CSMD1: variants seen among roughly 807,000 people sequenced by gnomAD.
CSMD1 encodes the protein CUB and Sushi multiple domains 1, also known as CUB and sushi domain-containing protein 1.
In CSMD1, 213 loss-of-function variants were observed where a neutral mutation model predicts 417.5. That is an observed-to-expected ratio of 0.51 (90% confidence interval 0.46 to 0.57). The LOEUF is 0.57. CSMD1 is among the 20% of genes least tolerant of loss of function. The pLI, the probability that CSMD1 is intolerant of heterozygous loss-of-function variation, is 0.00. For synonymous variants in CSMD1, 2,862 were observed against 1,736.8 expected, an observed-to-expected ratio of 1.65 and a Z score of -16.11; for missense variants, 6,923 against 4,529.7, an observed-to-expected ratio of 1.53 and a Z score of -15.17.
chr8:3,486,951 G>A (rs1363471197), intron 11 of CSMD1, among the ~76,000 whole-genome samples: 3 of 152,180 alleles, frequency 2.0e-5, no homozygotes, highest in African/African-American at 7.2e-5. Context: ...AGGTTGGGCA[G>A]CCCTAGCCAT....
intron 52 of CSMD1, among the ~76,000 whole-genome samples, chr8:3,006,370 G>A (rs1807902866): frequency 6.7e-6 from 1 of 148,306 alleles, no homozygotes; most frequent in Admixed American, 6.7e-5. Flanking sequence ...CAGATTCAAT[G>A]CCATCCCCAT....
chr8:4,322,385 G>A (rs1179119725), intron 3 of CSMD1, among the ~76,000 whole-genome samples: 1 of 152,000 alleles, frequency 6.6e-6, no homozygotes, highest in Non-Finnish European at 1.5e-5. Context: ...TCCCCCAGTT[G>A]GCAAAAGCAT....
At chr8:3,334,143 A>C (rs1350043527) in intron 23 of CSMD1, among the ~76,000 whole-genome samples, 1 of 152,160 alleles carries the variant, frequency 6.6e-6, no homozygotes, top group African/African-American at 2.4e-5. Context: ...GTGGGAGAGG[A>C]TGCCAGAAGA....
At chr8:4,972,361 T>C (rs56255409) in intron 1 of CSMD1, among the ~76,000 whole-genome samples, 4,764 of 152,208 alleles carry the variant, frequency 0.031, 91 homozygotes, top group Middle Eastern at 0.13. Flanking sequence ...GTGCAGGTAA[T>C]TGAATCATGG....
chr8:3,720,620 T>TTCACACACACACACACACACACACAC (rs72331833), intron 6 of CSMD1, among the ~76,000 whole-genome samples: 9 of 143,322 alleles, frequency 6.3e-5, no homozygotes, highest in African/African-American at 2.1e-4. Context: ...TCTTTATTCT[T>TTCACACACACACACACACACACACAC]ACACACACAC....
At chr8:4,649,621 G>T (rs999046860) in intron 1 of CSMD1, among the ~76,000 whole-genome samples, 3 of 152,030 alleles carry the variant, frequency 2.0e-5, no homozygotes, top group Non-Finnish European at 2.9e-5. Context: ...AAAAGCAAAG[G>T]CCAATTTTTT....
At chr8:3,900,943 A>G (rs960639918) in intron 5 of CSMD1, among the ~76,000 whole-genome samples, 1 of 152,236 alleles carries the variant, frequency 6.6e-6, no homozygotes, top group Non-Finnish European at 1.5e-5. Flanking sequence ...AAATACAAGA[A>G]GGTCTATAAA....
intron 7 of CSMD1, among the ~76,000 whole-genome samples, chr8:3,679,701 T>A (rs1041894808): frequency 6.6e-6 from 1 of 152,068 alleles, no homozygotes. Flanking sequence ...GACATCTACC[T>A]AACTCTCCAC....
At chr8:4,241,426 T>C (rs559586847) in intron 3 of CSMD1, among the ~76,000 whole-genome samples, 2 of 152,312 alleles carry the variant, frequency 1.3e-5, no homozygotes, top group East Asian at 3.9e-4. Context: ...AACTTCCTCA[T>C]AGCACTTTAT....
At chr8:3,030,700 C>G (rs634927) in intron 50 of CSMD1, among the ~76,000 whole-genome samples, 6,442 of 151,982 alleles carry the variant, frequency 0.042, 474 homozygotes, top group African/African-American at 0.15. Flanking sequence ...GGCCAGGCTG[C>G]TCTTGAACTC....
chr8:4,725,140 A>G (rs1371955988), intron 1 of CSMD1, among the ~76,000 whole-genome samples: 1 of 152,198 alleles, frequency 6.6e-6, no homozygotes, highest in Non-Finnish European at 1.5e-5. Flanking sequence ...ACACATTATA[A>G]AAGTGTACCT....
At chr8:4,553,383 C>G (rs997571237) in intron 2 of CSMD1, among the ~76,000 whole-genome samples, 2 of 150,864 alleles carry the variant, frequency 1.3e-5, no homozygotes, top group African/African-American at 4.9e-5. Flanking sequence ...TATAAGGCTT[C>G]ATTTTGTATT....
At chr8:4,549,743 A>C (rs1319746963) in intron 2 of CSMD1, among the ~76,000 whole-genome samples, 1 of 151,662 alleles carries the variant, frequency 6.6e-6, no homozygotes, top group Non-Finnish European at 1.5e-5. Context: ...CTATAAATAC[A>C]AAAATTAGCT....
chr8:3,267,719 T>A (rs555953144), intron 26 of CSMD1, among the ~76,000 whole-genome samples: 60 of 152,250 alleles, frequency 3.9e-4, no homozygotes, highest in African/African-American at 1.4e-3. Flanking sequence ...ATCTGATGTT[T>A]TGGGTTACCC....
At chr8:4,692,004 C>T (rs1258855569) in intron 1 of CSMD1, among the ~76,000 whole-genome samples, 2 of 152,166 alleles carry the variant, frequency 1.3e-5, no homozygotes, top group African/African-American at 4.8e-5. Flanking sequence ...CTTCAGTGCC[C>T]TCTTGTACAG....
chr8:4,476,098 T>C (rs542429341), intron 2 of CSMD1, among the ~76,000 whole-genome samples: 1 of 152,072 alleles, frequency 6.6e-6, no homozygotes, highest in Admixed American at 6.5e-5. Flanking sequence ...ATTTAATACA[T>C]AATAGATTAA....
chr8:4,730,922 T>C (rs1168184589), intron 1 of CSMD1, among the ~76,000 whole-genome samples: 1 of 152,026 alleles, frequency 6.6e-6, no homozygotes. Flanking sequence ...TTCCAGTCAT[T>C]CCTGAGGCAA....
intron 18 of CSMD1, among the ~76,000 whole-genome samples, chr8:3,377,904 T>C (rs962710344): frequency 2.6e-5 from 4 of 152,134 alleles, no homozygotes; most frequent in African/African-American, 9.7e-5. Context: ...TTATATTATC[T>C]CTCTCTCTCT....
intron 3 of CSMD1, among the ~76,000 whole-genome samples, chr8:4,100,642 A>G (rs1334369705): frequency 6.6e-6 from 1 of 152,178 alleles, no homozygotes; most frequent in African/African-American, 2.4e-5. Context: ...AAGTATGTCC[A>G]TCATTTCGAT....
Sources: gnomAD v4.1 joint callset for allele counts (sites outside exome capture counted in the v4.1 genomes callset) on GRCh38, gnomAD v4.1.1 for gene constraint, MANE v1.5 for transcripts, NCBI Gene and HGNC (gene_info 2026-07-23, HGNC 2026-07-21) for gene names.